Variants in CLMN observed in about 807,000 individuals in gnomAD.
CLMN encodes the protein calmin.
CLMN carries 57 observed loss-of-function variants against 92.7 expected under a neutral mutation model. The ratio of observed to expected loss-of-function variants is 0.61; its 90% CI spans 0.50 to 0.77. The LOEUF is 0.77. CLMN is among the 30% of genes least tolerant of loss of function. CLMN has a pLI of 0.00. For missense variants in CLMN, 1,158 were observed against 1,237.5 expected (o/e 0.94, Z 0.96); for synonymous variants, 466 against 470.6 (o/e 0.99, Z 0.13).
At chr14:95,204,547 G>T (rs1237135161) in intron 8 of CLMN, 84 bp from the exon 9 acceptor site, 3 of 1,260,472 alleles carry the variant, frequency 2.4e-6, no homozygotes, top group Admixed American at 2.9e-5. Context: ...TGAGTAAGAA[G>T]AATATTTAAG....
intron 1 of CLMN, among the ~76,000 whole-genome samples, chr14:95,230,761 T>C (rs1897860099): frequency 6.6e-6 from 1 of 152,210 alleles, no homozygotes; most frequent in Non-Finnish European, 1.5e-5. Flanking sequence ...CAGAGCCAAC[T>C]CCACACAGTC....
chr14:95,197,791 C>T (rs777477900), intron 9 of CLMN, among the ~76,000 whole-genome samples: 13 of 152,136 alleles, frequency 8.5e-5, no homozygotes, highest in Admixed American at 5.2e-4. Flanking sequence ...AGAACCTGTT[C>T]AACAGGTGTC....
Position 95,319,886 on chromosome 14 carries a change from G to C in CLMN, c.-94C>G, listed in dbSNP as rs1361228535. 5.2e-5 allele frequency: 30 copies of C among 577,598 alleles called. No individual in the cohort carries two copies. The highest frequency in any genetic ancestry group is 6.2e-5 in the Non-Finnish European group (29 of 470,572). The allele number at this position is 577,598 out of a possible 1,614,324, so 35.8% of individuals were successfully genotyped here. A position where few individuals can be genotyped will look rare whatever the true frequency, so the allele number is the denominator to read the frequency against. ...CGCGCGAGCGGCACGCACCCGGCGA[G>C]GGCGCCGCGGAGCTGGAGTCGCGGC... On this transcript the variant is annotated 5_prime_UTR_variant, in exon 1 of 13. Transcript: ENST00000298912.
At chr14:95,280,521 G>A (rs1254885345) in intron 1 of CLMN, among the ~76,000 whole-genome samples, 1 of 152,102 alleles carries the variant, frequency 6.6e-6, no homozygotes, top group East Asian at 1.9e-4. Context: ...GAGTTATTTG[G>A]CTAAATAAAT....
intron 6 of CLMN, 94 bp from the exon 7 acceptor site, chr14:95,210,973 G>A: frequency 7.4e-7 from 1 of 1,351,460 alleles, no homozygotes; most frequent in Non-Finnish European, 9.9e-7. Flanking sequence ...GAGTTTTTGA[G>A]TGGGGCAGAG....
rs1286521078 is a variant in CLMN, at chr14:95,204,219, G to C, written c.1130C>G (p.Thr377Ser). The change falls in exon 9 of 13, where the codon ACC (threonine) becomes AGC (serine). Residue 377 changes from threonine (T) to serine (S), a missense_variant. Physicochemically the swap from Thr to Ser is moderately conservative, Grantham distance 58. Coordinates refer to ENST00000298912, the MANE Select transcript of CLMN (RefSeq NM_024734.4). The stretch of plus-strand genomic sequence containing the variant: ...GTCAATAATCTGGTGCATGAACTCG[G>C]TGGAGCTGTCTGACAGCGCATGGCT... Reference protein sequence around the residue: ...VSSHALSDSSTEFMHQIIDQV... With the variant: ...VSSHALSDSSSEFMHQIIDQV... 5 of 1,614,140 alleles carry C rather than the reference G, an allele frequency of 3.1e-6. No homozygotes were observed. Among genetic ancestry groups the C allele is most frequent in the Non-Finnish European group, 4.2e-6 (5 of 1,180,022 alleles).
At chr14:95,208,994 T>G (rs748268456) in intron 8 of CLMN, among the ~76,000 whole-genome samples, 1 of 152,200 alleles carries the variant, frequency 6.6e-6, no homozygotes, top group African/African-American at 2.4e-5. Context: ...TTATTTTACT[T>G]AAGAATGGCC....
rs576204014 is a variant in CLMN, at chr14:95,274,839, C to T, written c.83-44706G>A. Among the ~76,000 whole-genome samples the T allele has an allele frequency of 7.7e-3, 1,167 of 152,162 alleles. 22 individuals carry two copies. The highest frequency in any genetic ancestry group is 0.027 in the African/African-American group (1,109 of 41,500). On this transcript the variant is annotated intron_variant, in intron 1 of 12. Transcript: ENST00000298912. ...ACTAAAAATACAAAAATTAGCTGGGCTTGGTGGCAGGCGCCTGTAGTCCTA... is the reference window on the plus strand; with the variant it reads ...ACTAAAAATACAAAAATTAGCTGGGTTTGGTGGCAGGCGCCTGTAGTCCTA...
intron 1 of CLMN, among the ~76,000 whole-genome samples, chr14:95,244,077 C>T (rs1035471954): frequency 1.3e-5 from 2 of 152,194 alleles, no homozygotes; most frequent in African/African-American, 2.4e-5. Flanking sequence ...GCTTCCCCTT[C>T]GCCTTCTACC....
In CLMN at chr14:95,294,251, C is replaced by T. The variant is rs561169438; in HGVS notation, c.82+25460G>A. On this transcript the variant is annotated intron_variant, in intron 1 of 12. Transcript: ENST00000298912. This position sits in a 1 kb window ranked among gnomAD's most constrained non-coding sequence, Gnocchi z 4.2. ...ACAGACTACAAAGATGAGGAAAAGG[C>T]ATGGCCCCTGCTTGCACGGGGAAGA... 1.7e-4 allele frequency among the ~76,000 whole-genome samples: 26 copies of T among 152,374 alleles called. No homozygotes were observed. Among genetic ancestry groups the T allele is most frequent in the Middle Eastern group, 3.4e-3 (1 of 294 alleles).
At chr14:95,238,026 G>A (rs1012647359) in intron 1 of CLMN, among the ~76,000 whole-genome samples, 88 of 152,122 alleles carry the variant, frequency 5.8e-4, no homozygotes, top group African/African-American at 1.9e-3. Context: ...CAAGTGAGGC[G>A]GCCCAGCCAA....
intron 5 of CLMN, among the ~76,000 whole-genome samples, chr14:95,214,348 T>TTG (rs1897273902): frequency 8.5e-6 from 1 of 117,664 alleles, no homozygotes; most frequent in Non-Finnish European, 1.8e-5. Context: ...CTGCTGCTTT[T>TTG]TTTTTTTTTT....
intron 1 of CLMN, among the ~76,000 whole-genome samples, chr14:95,255,788 A>G (rs1255095964): frequency 6.6e-6 from 1 of 151,670 alleles, no homozygotes; most frequent in East Asian, 1.9e-4. Flanking sequence ...TAACCACTCA[A>G]CAGTTCTATT....
intron 1 of CLMN, among the ~76,000 whole-genome samples, chr14:95,305,235 A>G (rs1391557397): frequency 3.3e-5 from 5 of 152,196 alleles, no homozygotes; most frequent in African/African-American, 9.7e-5. Context: ...TTTGAAAAAG[A>G]GAGAGGTTAA....
intron 1 of CLMN, among the ~76,000 whole-genome samples, chr14:95,235,712 A>T (rs1344797496): frequency 1.3e-5 from 2 of 152,242 alleles, no homozygotes; most frequent in Non-Finnish European, 2.9e-5. Flanking sequence ...CTAGGTGGAC[A>T]GCAGATCAGA....
Position 95,226,028 on chromosome 14 carries a change from C to A in CLMN, c.145-2173G>T, listed in dbSNP as rs189689318. 1.8e-4 allele frequency among the ~76,000 whole-genome samples: 28 copies of A among 152,292 alleles called. No individual in the cohort carries two copies. The East Asian group carries it at 3.9e-3, about 21-fold the overall frequency. Reference sequence around the variant, plus strand: ...GCTTCAGCAGAGCAGCTTTAGGACACCCTATAGGGGAGAGGGGGATGGTGG... The same window carrying A: ...GCTTCAGCAGAGCAGCTTTAGGACAACCTATAGGGGAGAGGGGGATGGTGG... On this transcript the variant is annotated intron_variant, in intron 2 of 12. Coordinates refer to ENST00000298912, the MANE Select transcript of CLMN (RefSeq NM_024734.4).
intron 2 of CLMN, among the ~76,000 whole-genome samples, chr14:95,229,327 G>T (rs1304340339): frequency 6.6e-6 from 1 of 152,150 alleles, no homozygotes; most frequent in East Asian, 1.9e-4. Context: ...TGTTTCAAGT[G>T]GGGAGCTGAT....
intron 1 of CLMN, among the ~76,000 whole-genome samples, chr14:95,265,118 T>C (rs1899421017): frequency 6.6e-6 from 1 of 151,786 alleles, no homozygotes; most frequent in Non-Finnish European, 1.5e-5. Flanking sequence ...GGTGCATGCC[T>C]GTAGTCCCAG....
At chr14:95,276,811 T>C (rs891268426) in intron 1 of CLMN, among the ~76,000 whole-genome samples, 13 of 152,344 alleles carry the variant, frequency 8.5e-5, no homozygotes, top group African/African-American at 3.1e-4. Flanking sequence ...GTGGATAATG[T>C]CTGTGTTTTG....
Sources: allele counts gnomAD v4.1 joint callset (sites outside exome capture counted in the v4.1 genomes callset), GRCh38; gene constraint gnomAD v4.1.1; non-coding constraint Gnocchi (gnomAD v3.1); transcripts MANE v1.5; gene names NCBI Gene and HGNC (gene_info 2026-07-23, HGNC 2026-07-21).